TMEM130: variants seen among roughly 807,000 people sequenced by gnomAD.
The protein encoded by TMEM130 is transmembrane protein 130.
TMEM130 carries 37 observed loss-of-function variants against 42.9 expected under a neutral mutation model. That is an observed-to-expected ratio of 0.86 (90% CI 0.66 to 1.13). TMEM130 has a LOEUF of 1.13. TMEM130 is among the 50% of genes most tolerant of loss of function. The pLI is 0.00. For synonymous variants in TMEM130, 259 were observed against 237.7 expected, an observed-to-expected ratio of 1.09 and a Z score of -0.82; for missense variants, 545 against 562.6, an observed-to-expected ratio of 0.97 and a Z score of 0.32.
chr7:98,864,799 C>T (rs536578627), intron 1 of TMEM130, among the ~76,000 whole-genome samples: 1 of 152,150 alleles, frequency 6.6e-6, no homozygotes, highest in Non-Finnish European at 1.5e-5. Context: ...ACTCAGGAGG[C>T]TGAGGCAGGG....
chr7:98,861,226 T>A (rs1358357671), intron 2 of TMEM130, among the ~76,000 whole-genome samples: 1 of 151,768 alleles, frequency 6.6e-6, no homozygotes, highest in Non-Finnish European at 1.5e-5. Context: ...TAGTCCCAGC[T>A]ACTTGGGAGG....
At chr7:98,862,871 C>T (rs1794815695) in intron 2 of TMEM130, among the ~76,000 whole-genome samples, 1 of 152,162 alleles carries the variant, frequency 6.6e-6, no homozygotes, top group Non-Finnish European at 1.5e-5. Context: ...TTAATGTATA[C>T]CCTCAGCAGC....
At chr7:98,848,768 C>A in intron 6 of TMEM130, 73 bp from the exon 7 acceptor site, 2 of 1,070,702 alleles carry the variant, frequency 1.9e-6, no homozygotes, top group South Asian at 1.3e-5. Context: ...GAAGCAAGCA[C>A]AACAAAGGAG....
chr7:98,869,437 C>G lies in TMEM130; in HGVS notation c.85+340G>C. ...ACCCTGGCGCATCCCCGCCTCCCTG[C>G]CTCGTCCTCCCCTCCCTTAGCGGGT... On this transcript the variant is annotated intron_variant, in intron 1 of 7. Transcript: ENST00000339375. The surrounding 1 kb of genome is among the most constrained non-coding windows in gnomAD (Gnocchi z 4.7). 1 of 1,213,774 alleles carries G rather than the reference C, an allele frequency of 8.2e-7. No homozygotes were observed. Among genetic ancestry groups the G allele is most frequent in the Non-Finnish European group, 1.0e-6 (1 of 952,530 alleles). 75.2% of individuals were successfully genotyped at this position (1,213,774 alleles called of 1,614,324 possible).
At chr7:98,850,269 ATATAT>A (rs1284407694) in intron 6 of TMEM130, among the ~76,000 whole-genome samples, 14 of 30,164 alleles carry the variant, frequency 4.6e-4, no homozygotes, top group African/African-American at 1.1e-3. Flanking sequence ...ATATATATAT[ATATAT>A]TTTTTTTTTT....
At chr7:98,864,985 G>T (rs535242523) in intron 1 of TMEM130, among the ~76,000 whole-genome samples, 2 of 152,340 alleles carry the variant, frequency 1.3e-5, no homozygotes, top group East Asian at 3.9e-4. Flanking sequence ...GTCCACTGTT[G>T]TCACAACTCC....
chr7:98,848,381 T>C (rs973733629), intron 7 of TMEM130, 173 bp from the exon 8 acceptor site: 5 of 826,618 alleles, frequency 6.0e-6, no homozygotes, highest in African/African-American at 1.7e-5. Context: ...GAGATGGATA[T>C]AGGAGATAAA....
At chr7:98,862,346 C>G (rs1312449330) in intron 2 of TMEM130, among the ~76,000 whole-genome samples, 2 of 150,494 alleles carry the variant, frequency 1.3e-5, no homozygotes, top group Non-Finnish European at 3.0e-5. Context: ...AAAGGGAAAA[C>G]AGAGAGAGAA....
In TMEM130 at chr7:98,851,438, A is replaced by G; in HGVS notation, c.989T>C (p.Ile330Thr). 1 of 1,614,008 alleles carries G rather than the reference A, an allele frequency of 6.2e-7. No homozygotes were observed. The change falls in exon 6 of 8, where the codon ATC (isoleucine) becomes ACC (threonine). Residue 330 changes from isoleucine to threonine, a missense_variant. Physicochemically the swap from Ile to Thr is moderately conservative, Grantham distance 89. Transcript: ENST00000339375. ...IISKTHQYHK[I>T]QVWPSRIQPA... Reference sequence around the variant, plus strand: ...TCACTTACTGGAGGGCCACACCTGGATCTTGTGGTACTGATGTGTCTTGCT... The same window carrying G: ...TCACTTACTGGAGGGCCACACCTGGGTCTTGTGGTACTGATGTGTCTTGCT...
intron 6 of TMEM130, among the ~76,000 whole-genome samples, chr7:98,850,765 T>C (rs1445029431): frequency 6.6e-6 from 1 of 151,992 alleles, no homozygotes; most frequent in Non-Finnish European, 1.5e-5. Context: ...ACACTGTGAG[T>C]TGAGTAGAGT....
chr7:98,860,442 C>A, intron 2 of TMEM130, 104 bp from the exon 3 acceptor site: 1 of 1,216,192 alleles, frequency 8.2e-7, no homozygotes, highest in Non-Finnish European at 1.1e-6. Context: ...CTTCCCTGCC[C>A]GGACCTTCTG....
Position 98,869,964 on chromosome 7 carries a change from T to C in TMEM130, c.-103A>G. 1.4e-6 allele frequency: 1 copy of C among 715,996 alleles called. No individual in the cohort carries two copies. The highest frequency in any genetic ancestry group is 1.9e-6 in the Non-Finnish European group (1 of 518,700). 44.4% of individuals were successfully genotyped at this position (715,996 alleles called of 1,614,324 possible). A position where few individuals can be genotyped will look rare whatever the true frequency, so the allele number is the denominator to read the frequency against. ...TCCTCCGGGCGCGCAGCGCGGGCGG[T>C]GCGGGGAGGTGCGGGCGCCGTGCTC... On this transcript the variant is annotated 5_prime_UTR_variant, in exon 1 of 8. Coordinates refer to ENST00000339375, the MANE Select transcript of TMEM130 (RefSeq NM_152913.3). This position sits in a 1 kb window ranked among gnomAD's most constrained non-coding sequence, Gnocchi z 4.7.
At position 98,847,928 on chromosome 7, in the gene TMEM130, TGG is replaced by T; in HGVS notation, c.*126_*127del. ...TGTGGCAGTGGCTGAACTGTACAGA[TGG>T]ATGGATGATCCAGGCCAACAGCCCC... On this transcript the variant is annotated 3_prime_UTR_variant, in exon 8 of 8. Transcript: ENST00000339375. The T allele has an allele frequency of 1.1e-6, 1 of 879,624 alleles. No individual in the cohort carries two copies. Among genetic ancestry groups the T allele is most frequent in the Non-Finnish European group, 1.8e-6 (1 of 561,458 alleles). The allele number at this position is 879,624 out of a possible 1,614,324, so 54.5% of individuals were successfully genotyped here.
At chr7:98,860,099 A>T in intron 3 of TMEM130, 80 bp downstream of exon 3, 1 of 1,271,618 alleles carries the variant, frequency 7.9e-7, no homozygotes, top group Non-Finnish European at 1.0e-6. Flanking sequence ...AGGTGAAGAG[A>T]TTCGGAGTAC....
chr7:98,852,327 G>T (rs562264275), intron 5 of TMEM130, among the ~76,000 whole-genome samples: 1 of 151,774 alleles, frequency 6.6e-6, no homozygotes, highest in East Asian at 2.0e-4. Context: ...ACAGGGTTTC[G>T]CCATGTTGGC....
rs142570247 is a variant in TMEM130, at chr7:98,848,615, G to T, written c.1087C>A (p.Arg363=). 2 of 1,613,552 alleles carry T rather than the reference G, an allele frequency of 1.2e-6. No homozygotes were observed. Among genetic ancestry groups the T allele is most frequent in the Non-Finnish European group, 1.7e-6 (2 of 1,179,546 alleles). Residue 363 remains arginine, a synonymous_variant, in exon 7 of 8, where the codon CGG becomes AGG. Coordinates refer to ENST00000339375, the MANE Select transcript of TMEM130 (RefSeq NM_152913.3). ...MLAFIMYMTL[R]NATQQKDMVE... is the part of the protein sequence containing the mutation. ...ATGTCCTTTTGCTGAGTGGCATTCC[G>T]CAGGGTCATGTACATGATGAAGGCC...
At position 98,848,573 on chromosome 7, in the gene TMEM130, G is replaced by A. The variant is rs1296405382; in HGVS notation, c.1119+10C>T. On this transcript the variant is annotated intron_variant, in intron 7 of 7. Transcript: ENST00000339375. The stretch of plus-strand genomic sequence containing the variant: ...CCAGTAGTCCAGCCCCCACCCCACT[G>A]AGTACCCACCTCCACCATGTCCTTT... 3 of 1,583,890 alleles carry A rather than the reference G, an allele frequency of 1.9e-6. No homozygotes were observed. Among genetic ancestry groups the A allele is most frequent in the Non-Finnish European group, 2.6e-6 (3 of 1,152,494 alleles).
intron 3 of TMEM130, among the ~76,000 whole-genome samples, chr7:98,859,735 AATT>A (rs1794715410): frequency 5.4e-5 from 8 of 148,792 alleles, no homozygotes; most frequent in African/African-American, 1.7e-4. Context: ...TAAATAAATT[AATT>A]AATTAATTAA....
rs1447883780 is a variant in TMEM130 at position 98,869,052 on chromosome 7, C to T, written c.85+725G>A. ...AGTATTCAACCTTCTTAGCTGCCCA[C>T]GTCCCATCTGTCCCTCGAATAGTCT... On this transcript the variant is annotated intron_variant, in intron 1 of 7. Transcript: ENST00000339375. The surrounding 1 kb of genome is among the most constrained non-coding windows in gnomAD (Gnocchi z 4.7). 6.6e-6 allele frequency among the ~76,000 whole-genome samples: 1 copy of T among 152,154 alleles called. No individual in the cohort carries two copies. Among genetic ancestry groups the T allele is most frequent in the East Asian group, 1.9e-4 (1 of 5,190 alleles).
Sources: allele counts gnomAD v4.1 joint callset (sites outside exome capture counted in the v4.1 genomes callset), GRCh38; gene constraint gnomAD v4.1.1; non-coding constraint Gnocchi (gnomAD v3.1); transcripts MANE v1.5; gene names NCBI Gene and HGNC (gene_info 2026-07-23, HGNC 2026-07-21).